TRPC7: variants seen among roughly 807,000 people sequenced by gnomAD.
TRPC7 encodes short transient receptor potential channel 7.
In TRPC7, 42 loss-of-function variants were observed where a neutral mutation model predicts 90.1. The ratio of observed to expected loss-of-function variants is 0.47; its 90% CI spans 0.36 to 0.60. The LOEUF is 0.60. TRPC7 is among the 20% of genes least tolerant of loss of function. The pLI is 0.00. For missense variants in TRPC7, 955 were observed against 1,112.3 expected, an observed-to-expected ratio of 0.86 and a Z score of 2.01; for synonymous variants, 451 against 436.3, an observed-to-expected ratio of 1.03 and a Z score of -0.42.
chr5:136,317,577 C>A (rs1307603941), intron 2 of TRPC7, among the ~76,000 whole-genome samples: 1 of 152,140 alleles, frequency 6.6e-6, no homozygotes, highest in South Asian at 2.1e-4. Context: ...CCACATGGAC[C>A]CATTCAACTC....
chr5:136,304,474 T>A (rs2063216013), intron 3 of TRPC7, among the ~76,000 whole-genome samples: 1 of 152,200 alleles, frequency 6.6e-6, no homozygotes, highest in African/African-American at 2.4e-5. Flanking sequence ...CAAATTGTTT[T>A]GCCTGTCCAC....
intron 8 of TRPC7, among the ~76,000 whole-genome samples, chr5:136,227,456 G>A: frequency 6.6e-6 from 1 of 152,148 alleles, no homozygotes; most frequent in Admixed American, 6.5e-5. Context: ...CACTCTGAGG[G>A]GCTGTGAACC....
chr5:136,225,655 C>T (rs143959500), intron 9 of TRPC7, among the ~76,000 whole-genome samples: 122 of 152,206 alleles, frequency 8.0e-4, no homozygotes, highest in African/African-American at 2.8e-3. Context: ...TGAGAATCCC[C>T]AGGAAAGCCA....
At chr5:136,354,029 A>G (rs2149859603) in intron 2 of TRPC7, among the ~76,000 whole-genome samples, 2 of 152,356 alleles carry the variant, frequency 1.3e-5, no homozygotes, top group South Asian at 4.1e-4. Context: ...ATGCTCCCAC[A>G]TATGGTAGAG....
chr5:136,264,249 G>GT (rs1319101596), intron 5 of TRPC7, among the ~76,000 whole-genome samples: 1 of 152,122 alleles, frequency 6.6e-6, no homozygotes, highest in Non-Finnish European at 1.5e-5. Flanking sequence ...CATTCAAGAG[G>GT]TTCCATTAAT....
chr5:136,345,083 C>T (rs6890299), intron 2 of TRPC7, among the ~76,000 whole-genome samples: 104,331 of 152,032 alleles, frequency 0.69, 36,107 homozygotes, highest in African/African-American at 0.77. Flanking sequence ...CATACTTATA[C>T]ATCTAAATAC....
intron 3 of TRPC7, among the ~76,000 whole-genome samples, chr5:136,301,857 G>A (rs530005613): frequency 6.6e-5 from 10 of 152,264 alleles, no homozygotes; most frequent in African/African-American, 1.9e-4. Flanking sequence ...GACTCGGATC[G>A]GGGGACCTCC....
At chr5:136,324,134 C>T (rs1002233799) in intron 2 of TRPC7, among the ~76,000 whole-genome samples, 1 of 151,828 alleles carries the variant, frequency 6.6e-6, no homozygotes, top group African/African-American at 2.4e-5. Flanking sequence ...AATGTTGATT[C>T]TTGTGTGTTG....
At chr5:136,239,724 C>T (rs1030637759) in intron 7 of TRPC7, among the ~76,000 whole-genome samples, 24 of 152,256 alleles carry the variant, frequency 1.6e-4, no homozygotes, top group African/African-American at 5.5e-4. Flanking sequence ...TCACAGGGCT[C>T]CTGCCAGAGC....
chr5:136,310,501 G>C (rs1758790562), intron 3 of TRPC7, among the ~76,000 whole-genome samples: 1 of 152,136 alleles, frequency 6.6e-6, no homozygotes, highest in African/African-American at 2.4e-5. Context: ...AGGGAGCCTG[G>C]CAGAGCCAGG....
rs965716165 is a variant in TRPC7, at chr5:136,213,689, T to C, written c.2420-85A>G. On this transcript the variant is annotated intron_variant, in intron 11 of 11. Coordinates refer to ENST00000513104, the MANE Select transcript of TRPC7 (RefSeq NM_020389.3). ...ATGCACATGTGGGCATGTGCATCCT[T>C]CCAGTGGAATGTCGGGTCCTGGGCC... The C allele has an allele frequency of 4.6e-5, 67 of 1,462,542 alleles. No homozygotes were observed. The Admixed American group carries it at 9.5e-4, about 21-fold the overall frequency. 90.6% of individuals were successfully genotyped at this position (1,462,542 alleles called of 1,614,324 possible).
intron 3 of TRPC7, among the ~76,000 whole-genome samples, chr5:136,289,079 T>C (rs1757838162): frequency 6.6e-6 from 1 of 152,120 alleles, no homozygotes; most frequent in South Asian, 2.1e-4. Context: ...ATAAGGACTT[T>C]GAATAAAGGT....
intron 7 of TRPC7, among the ~76,000 whole-genome samples, chr5:136,237,199 C>T (rs556610562): frequency 6.6e-6 from 1 of 152,272 alleles, no homozygotes; most frequent in South Asian, 2.1e-4. Context: ...TCCGAATCAC[C>T]TCTGAGTTCT....
chr5:136,258,159 G>T, intron 5 of TRPC7, among the ~76,000 whole-genome samples: 1 of 152,030 alleles, frequency 6.6e-6, no homozygotes, highest in South Asian at 2.1e-4. Context: ...TTGGACATTG[G>T]GAATCACTTC....
intron 3 of TRPC7, among the ~76,000 whole-genome samples, chr5:136,278,839 C>A (rs1757454087): frequency 6.6e-6 from 1 of 152,270 alleles, no homozygotes; most frequent in African/African-American, 2.4e-5. Context: ...CACATAGCTC[C>A]TTCATTGCTT....
intron 3 of TRPC7, among the ~76,000 whole-genome samples, chr5:136,287,471 G>T (rs1358097551): frequency 6.6e-6 from 1 of 151,764 alleles, no homozygotes; most frequent in Non-Finnish European, 1.5e-5. Flanking sequence ...CTTGGAGGTA[G>T]ATGGACCCCC....
Position 136,356,591 on chromosome 5 carries a change from C to G in TRPC7, c.780+17G>C, listed in dbSNP as rs377728696. 6 of 1,519,822 alleles carry G rather than the reference C, an allele frequency of 3.9e-6. No individual in the cohort carries two copies. The highest frequency in any genetic ancestry group is 5.3e-6 in the Non-Finnish European group (6 of 1,133,480). The allele number at this position is 1,519,822 out of a possible 1,614,324, so 94.1% of individuals were successfully genotyped here. On this transcript the variant is annotated intron_variant, in intron 2 of 11. Transcript: ENST00000513104. ...CCCTGGGCAACCTGCCTGCAGGGTG[C>G]TAAGTGGAAGAGTTACCTTAAATTC...
At chr5:136,331,742 G>A (rs1283732536) in intron 2 of TRPC7, among the ~76,000 whole-genome samples, 5 of 152,158 alleles carry the variant, frequency 3.3e-5, no homozygotes, top group African/African-American at 1.2e-4. Flanking sequence ...ATTCTAGGAA[G>A]AGTGAGCTGG....
chr5:136,290,346 G>A (rs1449262497), intron 3 of TRPC7, among the ~76,000 whole-genome samples: 2 of 152,148 alleles, frequency 1.3e-5, no homozygotes, highest in Non-Finnish European at 2.9e-5. Flanking sequence ...ACTACTCCGA[G>A]CTAAAGGAGG....
Sources: gnomAD v4.1 joint callset for allele counts (sites outside exome capture counted in the v4.1 genomes callset) on GRCh38, gnomAD v4.1.1 for gene constraint, MANE v1.5 for transcripts, NCBI Gene and HGNC (gene_info 2026-07-23, HGNC 2026-07-21) for gene names.